The following GALNTL6 variants were observed in gnomAD, a reference collection of about 807,000 sequenced individuals.
GALNTL6 encodes the protein polypeptide N-acetylgalactosaminyltransferase like 6.
A neutral mutation model predicts 73.7 loss-of-function variants in GALNTL6; 46 were observed. The ratio of observed to expected loss-of-function variants is 0.62; its 90% CI spans 0.49 to 0.80. GALNTL6 has a LOEUF of 0.80. Ranked by LOEUF, GALNTL6 falls within the 30% of genes least tolerant of loss-of-function variation. The pLI is 0.00. For synonymous variants in GALNTL6, 259 were observed against 263.7 expected, an observed-to-expected ratio of 0.98 and a Z score of 0.17; for missense variants, 604 against 755.0, an observed-to-expected ratio of 0.80 and a Z score of 2.34.
chr4:172,746,875 A>G (rs755668853), intron 5 of GALNTL6, among the ~76,000 whole-genome samples: 5 of 152,120 alleles, frequency 3.3e-5, no homozygotes, highest in African/African-American at 4.8e-5. Context: ...ATGAAATAAA[A>G]GCCATCAAAA....
intron 5 of GALNTL6, among the ~76,000 whole-genome samples, chr4:172,606,662 ACTATATAT>A (rs1560832434): frequency 2.2e-5 from 1 of 45,146 alleles, no homozygotes; most frequent in African/African-American, 5.9e-5. Context: ...GTATATATAT[ACTATATAT>A]ATATACTATA....
intron 7 of GALNTL6, among the ~76,000 whole-genome samples, chr4:172,859,837 C>G (rs889081427): frequency 6.6e-6 from 1 of 152,108 alleles, no homozygotes; most frequent in Non-Finnish European, 1.5e-5. Flanking sequence ...ATTGAGGGAT[C>G]TAGGTTGCGT....
chr4:172,023,340 C>CT (rs59906896), intron 2 of GALNTL6, among the ~76,000 whole-genome samples: 2,473 of 148,618 alleles, frequency 0.017, 54 homozygotes, highest in African/African-American at 0.048. Context: ...AAATACATAA[C>CT]TTTTTTTTTT....
intron 7 of GALNTL6, among the ~76,000 whole-genome samples, chr4:172,845,216 CAAAAAAA>C (rs11336973): frequency 1.1e-5 from 1 of 91,068 alleles, no homozygotes; most frequent in Non-Finnish European, 2.4e-5. Context: ...GTCTCTGTCT[CAAAAAAA>C]AAAAAAAAAA....
At chr4:172,090,511 G>A (rs1732173191) in intron 2 of GALNTL6, among the ~76,000 whole-genome samples, 1 of 152,138 alleles carries the variant, frequency 6.6e-6, no homozygotes, top group South Asian at 2.1e-4. Context: ...TTTGAGAAGT[G>A]TCTGTTCATA....
intron 2 of GALNTL6, among the ~76,000 whole-genome samples, chr4:171,856,384 A>G (rs4505785): frequency 0.75 from 113,819 of 151,874 alleles, 42,710 homozygotes; most frequent in South Asian, 0.84. Context: ...CAAAGTGCTG[A>G]GGTTACACAT....
intron 5 of GALNTL6, among the ~76,000 whole-genome samples, chr4:172,609,236 A>C (rs749333093): frequency 1.3e-5 from 2 of 152,110 alleles, no homozygotes; most frequent in African/African-American, 4.8e-5. Context: ...CTCATAGGGA[A>C]TATTTCTAGA....
intron 3 of GALNTL6, among the ~76,000 whole-genome samples, chr4:172,294,857 C>T (rs1012870000): frequency 1.3e-5 from 2 of 152,028 alleles, no homozygotes; most frequent in African/African-American, 4.8e-5. Context: ...AAAAGCTTTT[C>T]AGAAGCCCAC....
intron 2 of GALNTL6, among the ~76,000 whole-genome samples, chr4:171,916,006 A>G (rs1473346658): frequency 6.6e-6 from 1 of 152,160 alleles, no homozygotes; most frequent in African/African-American, 2.4e-5. Context: ...AATTATTACC[A>G]TTTTTAGAAC....
chr4:172,145,823 AGAAGAAAAAC>A (rs1253837273), intron 2 of GALNTL6, among the ~76,000 whole-genome samples: 1 of 152,172 alleles, frequency 6.6e-6, no homozygotes, highest in African/African-American at 2.4e-5. Flanking sequence ...GTCAATTAAC[AGAAGAAAAAC>A]ACACAAAATT....
At chr4:173,035,317 T>C (rs1241081034) in intron 12 of GALNTL6, among the ~76,000 whole-genome samples, 1 of 152,162 alleles carries the variant, frequency 6.6e-6, no homozygotes, top group Non-Finnish European at 1.5e-5. Flanking sequence ...TAGTTGGGAT[T>C]ACAGGCATGT....
intron 10 of GALNTL6, among the ~76,000 whole-genome samples, chr4:172,966,810 G>T (rs566000948): frequency 6.6e-6 from 1 of 152,352 alleles, no homozygotes; most frequent in African/African-American, 2.4e-5. Context: ...AAGTGTCCTT[G>T]AAATGTAGTG....
intron 5 of GALNTL6, among the ~76,000 whole-genome samples, chr4:172,354,372 G>T (rs2111226466): frequency 6.6e-6 from 1 of 152,216 alleles, no homozygotes; most frequent in African/African-American, 2.4e-5. Flanking sequence ...AGTATATTTA[G>T]AAATTCAAGA....
chr4:172,355,716 G>C (rs1742125060), intron 5 of GALNTL6, among the ~76,000 whole-genome samples: 1 of 152,044 alleles, frequency 6.6e-6, no homozygotes. Flanking sequence ...CCTATGAGTA[G>C]CTTTTACATT....
At chr4:172,375,963 C>T (rs565080833) in intron 5 of GALNTL6, among the ~76,000 whole-genome samples, 2 of 152,166 alleles carry the variant, frequency 1.3e-5, no homozygotes, top group Non-Finnish European at 2.9e-5. Context: ...AAGAGTGATG[C>T]CCTTTGTCCT....
At chr4:172,032,833 A>C (rs1339626306) in intron 2 of GALNTL6, among the ~76,000 whole-genome samples, 1 of 152,074 alleles carries the variant, frequency 6.6e-6, no homozygotes, top group Non-Finnish European at 1.5e-5. Context: ...GAAAGGTTTA[A>C]AATTTTTAGT....
rs565721851 is a variant in GALNTL6 at position 172,291,651 on chromosome 4, G to A, written c.248-19963G>A. 5.9e-5 allele frequency among the ~76,000 whole-genome samples: 9 copies of A among 152,042 alleles called. No individual in the cohort carries two copies. The South Asian group carries it at 1.3e-3, about 21-fold the overall frequency. Reference sequence around the variant, plus strand: ...GTAGTGTTTTTCCATGGAGTCTAAAGGCAAAGGCAATTGATGAGGGCTAAA... The same window carrying A: ...GTAGTGTTTTTCCATGGAGTCTAAAAGCAAAGGCAATTGATGAGGGCTAAA... On this transcript the variant is annotated intron_variant, in intron 3 of 12. Coordinates refer to ENST00000506823, the MANE Select transcript of GALNTL6 (RefSeq NM_001034845.3).
At chr4:172,469,777 C>T (rs916565424) in intron 5 of GALNTL6, among the ~76,000 whole-genome samples, 3 of 152,042 alleles carry the variant, frequency 2.0e-5, no homozygotes, top group African/African-American at 4.8e-5. Context: ...TTGCTTTTCA[C>T]GTTATTTTAT....
At chr4:172,771,091 T>C (rs1008281480) in intron 5 of GALNTL6, among the ~76,000 whole-genome samples, 3 of 152,324 alleles carry the variant, frequency 2.0e-5, no homozygotes, top group Non-Finnish European at 2.9e-5. Flanking sequence ...ACAATTCAAA[T>C]ATATGCATTT....
Sources: gnomAD v4.1 joint callset for allele counts (sites outside exome capture counted in the v4.1 genomes callset) on GRCh38, gnomAD v4.1.1 for gene constraint, MANE v1.5 for transcripts, NCBI Gene and HGNC (gene_info 2026-07-23, HGNC 2026-07-21) for gene names.